The following INTS4 variants were observed in gnomAD, a reference collection of about 807,000 sequenced individuals.
INTS4 encodes the protein MSTP093.
In INTS4, 70 loss-of-function variants were observed where a neutral mutation model predicts 119.5. That is an observed-to-expected ratio of 0.59 (90% CI 0.48 to 0.71). The LOEUF is 0.71. INTS4 is among the 30% of genes least tolerant of loss of function. The probability of loss-of-function intolerance (pLI) is 0.00; values close to 1 mark genes in which losing one functional copy is unlikely to be tolerated. For synonymous variants in INTS4, 316 were observed against 419.6 expected, an observed-to-expected ratio of 0.75 and a Z score of 3.02; for missense variants, 867 against 1,173.2, an observed-to-expected ratio of 0.74 and a Z score of 3.81.
chr11:77,875,041 C>CAA (rs397791397), downstream of INTS4, among the ~76,000 whole-genome samples: 13,012 of 120,712 alleles, frequency 0.11, 833 homozygotes, highest in Admixed American at 0.21. Context: ...GACTCCATCT[C>CAA]AAAAAAAAAA....
chr11:77,903,642 G>C, intron 16 of INTS4, 22 bp from the exon 17 acceptor site: 1 of 1,594,556 alleles, frequency 6.3e-7, no homozygotes. Context: ...AATCAGGAGG[G>C]AACAGAATAC....
At chr11:77,937,382 T>C (rs1198103424) in intron 10 of INTS4, among the ~76,000 whole-genome samples, 5 of 152,010 alleles carry the variant, frequency 3.3e-5, no homozygotes, top group South Asian at 2.1e-4. Context: ...AAAAGACACA[T>C]TATATACAGA....
chr11:77,920,604 G>A (rs1410147006), intron 14 of INTS4, among the ~76,000 whole-genome samples: 2 of 151,988 alleles, frequency 1.3e-5, no homozygotes. Flanking sequence ...TGTAATCCCA[G>A]CACTTTGGGA....
intron 4 of INTS4, among the ~76,000 whole-genome samples, chr11:77,971,093 C>A (rs1246193564): frequency 6.6e-6 from 1 of 151,978 alleles, no homozygotes; most frequent in Non-Finnish European, 1.5e-5. Flanking sequence ...CAGGCGTGAG[C>A]CACAGCACCC....
At chr11:77,905,375 T>C (rs1419268716) in intron 16 of INTS4, among the ~76,000 whole-genome samples, 1 of 151,622 alleles carries the variant, frequency 6.6e-6, no homozygotes, top group Non-Finnish European at 1.5e-5. Context: ...GAGAATTGCT[T>C]GAACCCAAGA....
chr11:77,905,691 G>A (rs1486620473), intron 16 of INTS4, among the ~76,000 whole-genome samples: 1 of 152,240 alleles, frequency 6.6e-6, no homozygotes. Flanking sequence ...GACTGCATAT[G>A]CAGTGGTGAC....
At chr11:77,876,670 A>G (rs532818067), downstream of INTS4, among the ~76,000 whole-genome samples, 87 of 152,276 alleles carry the variant, frequency 5.7e-4, no homozygotes, top group African/African-American at 2.0e-3. Flanking sequence ...TCTGATACCA[A>G]GCCAAAACCT....
rs11370501 is a variant in INTS4, at chr11:77,961,143, TAAAAA to T, written c.472-10_472-6del. On this transcript the variant is annotated splice_region_variant and splice_polypyrimidine_tract_variant and intron_variant, in intron 4 of 22. Transcript: ENST00000534064. Reference sequence around the variant, plus strand: ...ATGAGACGTATCTGTCAGATGCTATTAAAAAAAAAAAAAAAAAGAAAAAAAGAAAA... The same window carrying T: ...ATGAGACGTATCTGTCAGATGCTATTAAAAAAAAAAAAGAAAAAAAGAAAA... The T allele has an allele frequency of 2.2e-5, 27 of 1,216,640 alleles. No homozygotes were observed. The highest frequency in any genetic ancestry group is 8.0e-5 in the Admixed American group (2 of 25,108). The allele number at this position is 1,216,640 out of a possible 1,614,324, so 75.4% of individuals were successfully genotyped here.
intron 10 of INTS4, among the ~76,000 whole-genome samples, chr11:77,933,342 C>A (rs535925628): frequency 2.6e-5 from 4 of 151,986 alleles, no homozygotes; most frequent in African/African-American, 9.7e-5. Flanking sequence ...CCTGCCTCAG[C>A]CTGCCGAGTG....
At chr11:77,890,711 C>T (rs1952225621) in intron 21 of INTS4, among the ~76,000 whole-genome samples, 2 of 152,064 alleles carry the variant, frequency 1.3e-5, no homozygotes, top group Admixed American at 1.3e-4. Flanking sequence ...TTAGTGCATG[C>T]AATAGAGTAA....
At chr11:77,897,771 C>T (rs1442679163) in intron 18 of INTS4, among the ~76,000 whole-genome samples, 1 of 151,760 alleles carries the variant, frequency 6.6e-6, no homozygotes, top group Non-Finnish European at 1.5e-5. Context: ...TCCCAAAGTG[C>T]TGGGGTTACA....
intron 2 of INTS4, among the ~76,000 whole-genome samples, chr11:77,990,489 C>CA (rs1295297387): frequency 6.6e-6 from 1 of 151,978 alleles, no homozygotes; most frequent in East Asian, 1.9e-4. Flanking sequence ...AGTTCGAGAC[C>CA]AGCCTGGCCA....
intron 22 of INTS4, 56 bp downstream of exon 22, chr11:77,883,776 G>T: frequency 1.3e-6 from 2 of 1,587,178 alleles, no homozygotes; most frequent in East Asian, 4.5e-5. Context: ...ACGCTTAAGG[G>T]TAGGTGTGAT....
chr11:77,910,907 G>A (rs1337172761), intron 15 of INTS4: 1 of 814,678 alleles, frequency 1.2e-6, no homozygotes, highest in African/African-American at 1.8e-5. Context: ...TTCATAGAAA[G>A]CTGCCTCATT....
chr11:77,990,429 T>C (rs1374136532), intron 2 of INTS4, among the ~76,000 whole-genome samples: 2 of 151,514 alleles, frequency 1.3e-5, no homozygotes, highest in Admixed American at 6.6e-5. Flanking sequence ...CTCACGCCTG[T>C]AATCCTAACA....
chr11:77,893,431 C>T (rs1043585682), intron 19 of INTS4, among the ~76,000 whole-genome samples: 2 of 151,922 alleles, frequency 1.3e-5, no homozygotes, highest in South Asian at 2.1e-4. Context: ...CACAGCAAGA[C>T]CCCATCTCTA....
chr11:77,960,878 CA>C (rs1374115559), intron 5 of INTS4, 74 bp downstream of exon 5: 4 of 1,315,178 alleles, frequency 3.0e-6, no homozygotes, highest in East Asian at 2.3e-5. Flanking sequence ...ACAATGTATC[CA>C]AGGCAGCACT....
At chr11:77,970,494 A>G (rs1855683627) in intron 4 of INTS4, among the ~76,000 whole-genome samples, 2 of 151,942 alleles carry the variant, frequency 1.3e-5, no homozygotes, top group Non-Finnish European at 2.9e-5. Flanking sequence ...TGGTAAGGCT[A>G]TTTTTAATTT....
chr11:77,925,823 C>A (rs1953484989), intron 11 of INTS4, among the ~76,000 whole-genome samples: 1 of 152,242 alleles, frequency 6.6e-6, no homozygotes, highest in African/African-American at 2.4e-5. Context: ...ACAAAGCTCA[C>A]TTGTGTTTTA....
Sources: gnomAD v4.1 joint callset for allele counts (sites outside exome capture counted in the v4.1 genomes callset) on GRCh38, gnomAD v4.1.1 for gene constraint, MANE v1.5 for transcripts, NCBI Gene and HGNC (gene_info 2026-07-23, HGNC 2026-07-21) for gene names.